Variants in GMIP observed in about 807,000 individuals in gnomAD.
The protein encoded by GMIP is GEM-interacting protein.
In GMIP, 54 loss-of-function variants were observed where a neutral mutation model predicts 105.3. That is an observed-to-expected ratio of 0.51 (90% CI 0.41 to 0.64). The LOEUF is 0.64. Ranked by LOEUF, GMIP falls within the 30% of genes least tolerant of loss-of-function variation. The pLI is 0.00. For missense variants in GMIP, 1,110 were observed against 1,319.4 expected (o/e 0.84, Z 2.46); for synonymous variants, 541 against 560.8 (o/e 0.96, Z 0.50).
rs766705044 is a variant in GMIP at position 19,637,543 on chromosome 19, C to G, written c.946G>C (p.Gly316Arg). Residue 316 changes from glycine (G) to arginine (R), a missense_variant, in exon 11 of 21, where the codon GGG (glycine) becomes CGG (arginine). Coordinates refer to ENST00000203556, the MANE Select transcript of GMIP (RefSeq NM_016573.4). This position sits in a 1 kb window ranked among gnomAD's most constrained non-coding sequence, Gnocchi z 6.7. Reference sequence around the variant, plus strand: ...CGCTCTGCCTGCGCCCCCCGCAGCCCGAAGAGACTCAGCGTCACCTGCCGG... The same window carrying G: ...CGCTCTGCCTGCGCCCCCCGCAGCCGGAAGAGACTCAGCGTCACCTGCCGG... ...VLRRVTLSLF[G>R]LRGAQAERGP... The G allele has an allele frequency of 5.2e-6, 8 of 1,531,376 alleles. No individual in the cohort carries two copies. Among genetic ancestry groups the G allele is most frequent in the South Asian group, 2.4e-5 (2 of 83,030 alleles). The allele number at this position is 1,531,376 out of a possible 1,614,324, so 94.9% of individuals were successfully genotyped here. A position where few individuals can be genotyped will look rare whatever the true frequency, so the allele number is the denominator to read the frequency against.
Position 19,640,440 on chromosome 19 carries a change from C to G in GMIP, c.364+6G>C. On this transcript the variant is annotated splice_donor_region_variant and intron_variant, in intron 5 of 20. Transcript: ENST00000203556. Reference sequence around the variant, plus strand: ...GTAACTGGGGCTGGGCGGAAGAGGTCCTCACCATAGCTGGCTCTCTTTTCA... The same window carrying G: ...GTAACTGGGGCTGGGCGGAAGAGGTGCTCACCATAGCTGGCTCTCTTTTCA... The G allele has an allele frequency of 6.2e-7, 1 of 1,614,094 alleles. No individual in the cohort carries two copies.
In GMIP at chr19:19,636,946, T is replaced by C. The variant is rs1474676723; in HGVS notation, c.1208A>G (p.Glu403Gly). The C allele has an allele frequency of 6.3e-6, 10 of 1,582,846 alleles. No individual in the cohort carries two copies. The highest frequency in any genetic ancestry group is 8.6e-6 in the Non-Finnish European group (10 of 1,163,696). Residue 403 changes from glutamate (E) to glycine (G), a missense_variant, in exon 12 of 21, where the codon GAG becomes GGG. Coordinates refer to ENST00000203556, the MANE Select transcript of GMIP (RefSeq NM_016573.4). ...DENSAEPGPW[E>G]DPGTGWRWQG... is the part of the protein sequence containing the mutation. ...CCAGCGCCAGCCTGTGCCCGGATCC[T>C]CCCAAGGGCCTGGCTCAGCTGAATT... is the stretch of plus-strand genomic sequence containing the variant.
intron 1 of GMIP, chr19:19,643,088 G>A (rs1043367015): frequency 1.4e-5 from 3 of 221,016 alleles, no homozygotes; most frequent in Non-Finnish European, 2.7e-5. Context: ...ACACCAAGTC[G>A]GACCCCGCCA....
At chr19:19,639,988 G>A in intron 7 of GMIP, 97 bp downstream of exon 7, 1 of 688,038 alleles carries the variant, frequency 1.5e-6, no homozygotes, top group Non-Finnish European at 2.6e-6. Context: ...TGGTAGTGGT[G>A]CCTTCCTCCC....
chr19:19,642,598 C>A lies in GMIP; in HGVS notation c.41G>T (p.Gly14Val), dbSNP rs1468316592. 3 of 1,604,248 alleles carry A rather than the reference C, an allele frequency of 1.9e-6. No homozygotes were observed. The highest frequency in any genetic ancestry group is 2.6e-6 in the Non-Finnish European group (3 of 1,171,850). The change falls in exon 2 of 21, where the codon GGC becomes GTC. Residue 14 changes from glycine (G) to valine (V), a missense_variant. Gly to Val is a moderately radical substitution (Grantham distance 109). This residue lies in a region of GMIP where 667 missense variants were observed against 773.2 expected (regional missense o/e 0.86). Transcript: ENST00000203556. ...GAAGATGTCACTGTACCTCTTCCTG[C>A]CCTCAGGACCTGGGGGGAGTCCTAG... The part of the protein sequence containing the change: ...AEPGLPPGPE[G>V]RKRYSDIFRS...
In GMIP at chr19:19,630,345, G is replaced by T. The variant is rs368591231; in HGVS notation, c.2540-9C>A. On this transcript the variant is annotated splice_polypyrimidine_tract_variant and intron_variant, in intron 20 of 20. Coordinates refer to ENST00000203556, the MANE Select transcript of GMIP (RefSeq NM_016573.4). The surrounding 1 kb of genome is among the most constrained non-coding windows in gnomAD (Gnocchi z 4.8). ...TGGGCCTTGGCTGGACACTGTGTAC[G>T]GGGTGGGTGGTCAGTGCAGAGCACC... is the stretch of plus-strand genomic sequence containing the variant. 3 of 1,544,822 alleles carry T rather than the reference G, an allele frequency of 1.9e-6. No individual in the cohort carries two copies. The African/African-American group carries it at 4.1e-5, about 21-fold the overall frequency.
chr19:19,633,637 C>T (rs922201230), intron 19 of GMIP, among the ~76,000 whole-genome samples, 166 bp downstream of exon 19: 1 of 152,088 alleles, frequency 6.6e-6, no homozygotes, highest in African/African-American at 2.4e-5. Context: ...TCATCACTGC[C>T]CACTGCTCAT....
At position 19,637,531 on chromosome 19, in the gene GMIP, C is replaced by T; in HGVS notation, c.958G>A (p.Ala320Thr). 2.0e-6 allele frequency: 3 copies of T among 1,532,596 alleles called. No individual in the cohort carries two copies. Among genetic ancestry groups the T allele is most frequent in the South Asian group, 2.4e-5 (2 of 83,092 alleles). 94.9% of individuals were successfully genotyped at this position (1,532,596 alleles called of 1,614,324 possible). ...GCGCGGGGGCCACGCTCTGCCTGCG[C>T]CCCCCGCAGCCCGAAGAGACTCAGC... is the stretch of plus-strand genomic sequence containing the variant. Reference protein sequence around the residue: ...VTLSLFGLRGAQAERGPRAFA... With the variant: ...VTLSLFGLRGTQAERGPRAFA... The change falls in exon 11 of 21, where the codon GCG (alanine) becomes ACG (threonine). Residue 320 changes from alanine to threonine, a missense_variant. This residue lies in a region of GMIP where 667 missense variants were observed against 773.2 expected (regional missense o/e 0.86). Coordinates refer to ENST00000203556, the MANE Select transcript of GMIP (RefSeq NM_016573.4). This position sits in a 1 kb window ranked among gnomAD's most constrained non-coding sequence, Gnocchi z 6.7.
Position 19,633,917 on chromosome 19 carries a change from C to CGGTT in GMIP, c.2354_2357dup (p.Pro787ThrfsTer7). On this transcript the variant is annotated frameshift_variant, in exon 19 of 21. Transcript: ENST00000203556. LOFTEE classifies it high-confidence loss of function. ...AGTCTGGGTCAAGGTGCGGGGGTGG[C>CGGTT]GGTTGGGAGCTGGTTGTGAGGGGCC... 5 of 1,217,940 alleles carry CGGTT rather than the reference C, an allele frequency of 4.1e-6. No individual in the cohort carries two copies. The highest frequency in any genetic ancestry group is 2.3e-5 in the African/African-American group (1 of 43,622). 75.4% of individuals were successfully genotyped at this position (1,217,940 alleles called of 1,614,324 possible). A position where few individuals can be genotyped will look rare whatever the true frequency, so the allele number is the denominator to read the frequency against.
intron 19 of GMIP, among the ~76,000 whole-genome samples, 197 bp downstream of exon 19, chr19:19,633,606 G>A (rs1317553178): frequency 6.6e-6 from 1 of 152,160 alleles, no homozygotes; most frequent in Non-Finnish European, 1.5e-5. Flanking sequence ...TACCTCTGCA[G>A]GGCTGTCCCC....
chr19:19,637,440 C>A lies in GMIP; in HGVS notation c.1049G>T (p.Arg350Leu), dbSNP rs1325522799. 14 of 1,512,752 alleles carry A rather than the reference C, an allele frequency of 9.3e-6. No homozygotes were observed. The highest frequency in any genetic ancestry group is 1.2e-5 in the Non-Finnish European group (14 of 1,135,492). The allele number at this position is 1,512,752 out of a possible 1,614,324, so 93.7% of individuals were successfully genotyped here. ...CGGCGGGGCCTCGGGCCGCAGCGCC[C>A]GTACAAACTCCTGGTAGCGCTGGCC... The part of the protein sequence containing the change: ...EPGQRYQEFV[R>L]ALRPEAPPPP... The change falls in exon 11 of 21, where the codon CGG becomes CTG. Residue 350 changes from arginine (R) to leucine (L), a missense_variant. Arg to Leu is a moderately radical substitution (Grantham distance 102, BLOSUM62 -2). This residue lies in a region of GMIP where 667 missense variants were observed against 773.2 expected (regional missense o/e 0.86). Transcript: ENST00000203556. The surrounding 1 kb of genome is among the most constrained non-coding windows in gnomAD (Gnocchi z 6.7).
Position 19,630,036 on chromosome 19 carries a change from A to C in GMIP, c.2840T>G (p.Leu947Trp). 3 of 1,609,088 alleles carry C rather than the reference A, an allele frequency of 1.9e-6. No homozygotes were observed. Among genetic ancestry groups the C allele is most frequent in the Non-Finnish European group, 2.5e-6 (3 of 1,178,028 alleles). ...GGCCCTGGGCACAGCCTCGCTGTCC[A>C]ATTTCGAGAGTAGCCGGGCTGTCTC... ...TQETARLLSK[L>W]DSEAVPRATC... Residue 947 changes from leucine (L) to tryptophan (W), a missense_variant, in exon 21 of 21, where the codon TTG becomes TGG. Physicochemically the swap from Leu to Trp is moderately conservative, Grantham distance 61. This residue lies in a region of GMIP where 394 missense variants were observed against 450.5 expected (regional missense o/e 0.87). Coordinates refer to ENST00000203556, the MANE Select transcript of GMIP (RefSeq NM_016573.4). The surrounding 1 kb of genome is among the most constrained non-coding windows in gnomAD (Gnocchi z 4.8).
chr19:19,640,234 TG>T (rs776076916), intron 6 of GMIP, 42 bp from the exon 7 acceptor site: 1 of 1,453,098 alleles, frequency 6.9e-7, no homozygotes, highest in South Asian at 1.1e-5. Flanking sequence ...TGAAGATCTG[TG>T]GGGGACAAAG....
In GMIP at chr19:19,637,840, T is replaced by C. The variant is rs2061871892; in HGVS notation, c.927+80A>G. ...TGGCCTAGTCCTGGTGTCTCCAGGG[T>C]GGCTTAGGGGCGAGGAGTGGGGCAC... On this transcript the variant is annotated intron_variant, in intron 10 of 20. Transcript: ENST00000203556. The surrounding 1 kb of genome is among the most constrained non-coding windows in gnomAD (Gnocchi z 6.7). 12 of 1,438,200 alleles carry C rather than the reference T, an allele frequency of 8.3e-6. No individual in the cohort carries two copies. The highest frequency in any genetic ancestry group is 1.1e-5 in the Non-Finnish European group (12 of 1,057,246). 89.1% of individuals were successfully genotyped at this position (1,438,200 alleles called of 1,614,324 possible). A position where few individuals can be genotyped will look rare whatever the true frequency, so the allele number is the denominator to read the frequency against.
chr19:19,634,066 G>C lies in GMIP; in HGVS notation c.2209C>G (p.Leu737Val), dbSNP rs1367295169. The change falls in exon 19 of 21, where the codon CTG becomes GTG. Residue 737 changes from leucine (L) to valine (V), a missense_variant. By Grantham distance (32) the Leu-to-Val change is conservative. Around this residue, in one of 3 missense-constraint regions of GMIP, gnomAD observed 394 missense variants for 450.5 expected, o/e 0.87. Transcript: ENST00000203556. The surrounding 1 kb of genome is among the most constrained non-coding windows in gnomAD (Gnocchi z 6.1). ...AASAIPVTCL[L>V]DSGHQAQLVE... ...AGCTGGGCCTGATGCCCAGAGTCCAGCAGGCAGGTGACAGGGATGGCGCTG... is the reference window on the plus strand; with the variant it reads ...AGCTGGGCCTGATGCCCAGAGTCCACCAGGCAGGTGACAGGGATGGCGCTG... 1 of 1,613,554 alleles carries C rather than the reference G, an allele frequency of 6.2e-7. No individual in the cohort carries two copies. The highest frequency in any genetic ancestry group is 1.7e-5 in the Admixed American group (1 of 60,016).
chr19:19,643,424 C>A, intron 1 of GMIP, 87 bp downstream of exon 1: 1 of 1,261,742 alleles, frequency 7.9e-7, no homozygotes. Flanking sequence ...TCCTGGCTCT[C>A]AGGACGGAGC....
intron 7 of GMIP, among the ~76,000 whole-genome samples, chr19:19,639,542 C>T (rs754932847): frequency 6.6e-6 from 1 of 152,090 alleles, no homozygotes; most frequent in Non-Finnish European, 1.5e-5. Context: ...TCGTTCCCCT[C>T]CCCACAAACA....
rs140198612 is a variant in GMIP at position 19,641,347 on chromosome 19, C to T, written c.238+463G>A. 7.0e-3 allele frequency among the ~76,000 whole-genome samples: 1,061 copies of T among 152,248 alleles called. 19 individuals carry two copies. Among genetic ancestry groups the T allele is most frequent in the African/African-American group, 0.024 (978 of 41,534 alleles). ...TCCACCCGCCTCAGCCTCCAAAGTG[C>T]TGGGATTACAGGCGTGAGCCACTGC... is the stretch of plus-strand genomic sequence containing the variant. On this transcript the variant is annotated intron_variant, in intron 4 of 20. Transcript: ENST00000203556.
At position 19,635,398 on chromosome 19, in the gene GMIP, A is replaced by AT; in HGVS notation, c.1560+16dup. Reference sequence around the variant, plus strand: ...AAGGGTCAGCAAAGGTCATTTGGTCATTAACCCAGGCCACACCTCCTCACA... The same window carrying AT: ...AAGGGTCAGCAAAGGTCATTTGGTCATTTAACCCAGGCCACACCTCCTCACA... On this transcript the variant is annotated intron_variant, in intron 15 of 20. Coordinates refer to ENST00000203556, the MANE Select transcript of GMIP (RefSeq NM_016573.4). This position sits in a 1 kb window ranked among gnomAD's most constrained non-coding sequence, Gnocchi z 4.7. 1 of 1,606,300 alleles carries AT rather than the reference A, an allele frequency of 6.2e-7. No individual in the cohort carries two copies. Among genetic ancestry groups the AT allele is most frequent in the Non-Finnish European group, 8.5e-7 (1 of 1,177,204 alleles).
Sources: gnomAD v4.1 joint callset for allele counts (sites outside exome capture counted in the v4.1 genomes callset) on GRCh38, gnomAD v4.1.1 for gene constraint, gnomAD v4.1.1 regional missense constraint, Gnocchi (gnomAD v3.1) non-coding constraint, MANE v1.5 for transcripts, NCBI Gene and HGNC (gene_info 2026-07-23, HGNC 2026-07-21) for gene names.